Variants in DOCK1 observed in about 807,000 individuals in gnomAD.
DOCK1 encodes the protein dedicator of cytokinesis 1.
DOCK1 carries 138 observed loss-of-function variants against 262.7 expected under a neutral mutation model. That is an observed-to-expected ratio of 0.53 (90% confidence interval 0.46 to 0.61). The LOEUF (loss-of-function observed/expected upper bound fraction) is 0.61. DOCK1 is among the 20% of genes least tolerant of loss of function. The pLI, the probability that DOCK1 is intolerant of heterozygous loss-of-function variation, is 0.00. For synonymous variants in DOCK1, 866 were observed against 867.4 expected, an observed-to-expected ratio of 1.00 and a Z score of 0.03; for missense variants, 1,908 against 2,370.7, an observed-to-expected ratio of 0.80 and a Z score of 4.05.
intron 22 of DOCK1, among the ~76,000 whole-genome samples, chr10:127,054,145 C>T (rs1227529743): frequency 6.6e-6 from 1 of 152,186 alleles, no homozygotes; most frequent in Non-Finnish European, 1.5e-5. Flanking sequence ...TTGTCTGAAG[C>T]AGTCGTGTCC....
chr10:126,970,914 T>A lies in DOCK1; in HGVS notation c.130+129T>A. ...AGTCATGCTTCCTTCTCAGGCTCCC[T>A]TTTCTTGCAGATGGATACTGTTTCA... On this transcript the variant is annotated intron_variant, in intron 2 of 51. Transcript: ENST00000623213. 7 of 1,014,324 alleles carry A rather than the reference T, an allele frequency of 6.9e-6. 1 individual carries two copies. Among genetic ancestry groups the A allele is most frequent in the Middle Eastern group, 4.3e-4 (2 of 4,616 alleles). The allele number at this position is 1,014,324 out of a possible 1,614,324, so 62.8% of individuals were successfully genotyped here.
At chr10:127,356,584 G>A (rs1156390990) in intron 32 of DOCK1, among the ~76,000 whole-genome samples, 1 of 152,140 alleles carries the variant, frequency 6.6e-6, no homozygotes, top group African/African-American at 2.4e-5. Flanking sequence ...CCCCACACCA[G>A]GCAGGGACCC....
chr10:126,974,198 G>A (rs565436044), intron 2 of DOCK1, among the ~76,000 whole-genome samples: 1 of 152,248 alleles, frequency 6.6e-6, no homozygotes, highest in East Asian at 1.9e-4. Context: ...TCAAGGGCGT[G>A]CCAATCCTGC....
intron 29 of DOCK1, among the ~76,000 whole-genome samples, chr10:127,324,477 T>A (rs114529694): frequency 2.0e-5 from 3 of 152,122 alleles, no homozygotes; most frequent in Non-Finnish European, 4.4e-5. Context: ...TGGGGACCCA[T>A]GTACATGTCA....
At chr10:127,057,808 T>A (rs1325583217) in intron 22 of DOCK1, among the ~76,000 whole-genome samples, 1 of 152,244 alleles carries the variant, frequency 6.6e-6, no homozygotes, top group African/African-American at 2.4e-5. Context: ...TAATTAGTTA[T>A]TGATCATGAA....
At chr10:127,090,447 C>G (rs7081349) in intron 23 of DOCK1, among the ~76,000 whole-genome samples, 2 of 151,778 alleles carry the variant, frequency 1.3e-5, no homozygotes, top group Non-Finnish European at 2.9e-5. Context: ...GTGTCATTTT[C>G]CAGTGGAGAA....
intron 1 of DOCK1, among the ~76,000 whole-genome samples, chr10:126,909,637 A>G (rs1010970574): frequency 7.9e-5 from 12 of 152,106 alleles, no homozygotes; most frequent in Non-Finnish European, 1.8e-4. Flanking sequence ...CTTACTCATA[A>G]TGGGACCCTT....
intron 46 of DOCK1, among the ~76,000 whole-genome samples, chr10:127,424,374 A>G (rs932289078): frequency 6.6e-6 from 1 of 152,224 alleles, no homozygotes. Context: ...CTGACCATTA[A>G]GAGTTTTATC....
chr10:126,914,222 G>A (rs2032205140), intron 1 of DOCK1, among the ~76,000 whole-genome samples: 1 of 152,110 alleles, frequency 6.6e-6, no homozygotes, highest in South Asian at 2.1e-4. Context: ...TTGATTGCTG[G>A]GGGGTCCTGA....
At chr10:127,404,491 C>A in intron 40 of DOCK1, 62 bp downstream of exon 40, 3 of 1,490,958 alleles carry the variant, frequency 2.0e-6, no homozygotes, top group South Asian at 1.2e-5. Context: ...ATCCCCTTCC[C>A]GTTCTGAGGA....
In DOCK1 at chr10:127,250,171, C is replaced by G. The variant is rs574045544; in HGVS notation, c.2949+2062C>G. 9.2e-5 allele frequency among the ~76,000 whole-genome samples: 14 copies of G among 152,296 alleles called. No homozygotes were observed. The South Asian group carries it at 2.7e-3, about 29-fold the overall frequency. ...CTTCAGAAATAGAAGAATTACTCAC[C>G]TGGAAAAGTCAGGACTCCAATTAGT... On this transcript the variant is annotated intron_variant, in intron 28 of 51. Transcript: ENST00000623213.
At chr10:127,392,283 A>G (rs375003150) in intron 38 of DOCK1, among the ~76,000 whole-genome samples, 53 of 151,922 alleles carry the variant, frequency 3.5e-4, no homozygotes, top group African/African-American at 1.3e-3. Context: ...ATTTCTGAGA[A>G]GCTCCCAGGT....
At chr10:127,070,445 G>C (rs1048422985) in intron 23 of DOCK1, among the ~76,000 whole-genome samples, 1 of 151,648 alleles carries the variant, frequency 6.6e-6, no homozygotes, top group Non-Finnish European at 1.5e-5. Flanking sequence ...GTAGAGACAG[G>C]GTTTCACCAC....
chr10:127,424,798 T>C (rs2068718904), intron 46 of DOCK1, among the ~76,000 whole-genome samples: 1 of 152,232 alleles, frequency 6.6e-6, no homozygotes, highest in African/African-American at 2.4e-5. Flanking sequence ...AGGCCTGACA[T>C]GTGCCTAGGG....
intron 23 of DOCK1, among the ~76,000 whole-genome samples, chr10:127,103,311 G>C (rs754719796): frequency 6.6e-6 from 1 of 152,186 alleles, no homozygotes; most frequent in Non-Finnish European, 1.5e-5. Flanking sequence ...GCGACTCTGG[G>C]TTGCAGCAGA....
At chr10:126,977,912 C>G (rs950680199) in intron 2 of DOCK1, 36 bp from the exon 3 acceptor site, 20 of 1,611,082 alleles carry the variant, frequency 1.2e-5, no homozygotes, top group Non-Finnish European at 1.5e-5. Flanking sequence ...TAACATGTCT[C>G]TTTGTACTAA....
intron 24 of DOCK1, among the ~76,000 whole-genome samples, chr10:127,110,023 C>T (rs1317076452): frequency 1.3e-5 from 2 of 152,010 alleles, no homozygotes; most frequent in African/African-American, 4.8e-5. Flanking sequence ...TTGTTATTGT[C>T]TGTCTTTTGG....
At chr10:127,286,653 C>T (rs1025015833) in intron 29 of DOCK1, among the ~76,000 whole-genome samples, 7 of 151,998 alleles carry the variant, frequency 4.6e-5, no homozygotes, top group East Asian at 1.9e-4. Context: ...TATATCATGT[C>T]GTTCATAAAT....
At chr10:126,920,610 A>G (rs2033086498) in intron 1 of DOCK1, among the ~76,000 whole-genome samples, 1 of 152,252 alleles carries the variant, frequency 6.6e-6, no homozygotes, top group Non-Finnish European at 1.5e-5. Flanking sequence ...AACAGCTAAA[A>G]GGAATAATAA....
Sources: gnomAD v4.1 joint callset for allele counts (sites outside exome capture counted in the v4.1 genomes callset) on GRCh38, gnomAD v4.1.1 for gene constraint, MANE v1.5 for transcripts, NCBI Gene and HGNC (gene_info 2026-07-23, HGNC 2026-07-21) for gene names.